The following MYH15 variants were observed in gnomAD, a reference collection of about 807,000 sequenced individuals.
MYH15 encodes myosin-15.
Under a neutral mutation model 240.5 loss-of-function variants are expected in MYH15, and 227 were observed. That is an observed-to-expected ratio of 0.94 (90% CI 0.85 to 1.05). MYH15 has a LOEUF of 1.05. MYH15 is among the 50% of genes least tolerant of loss of function. The probability of loss-of-function intolerance (pLI) is 0.00; values close to 1 mark genes in which losing one functional copy is unlikely to be tolerated. For synonymous variants in MYH15, 785 were observed against 796.7 expected (o/e 0.99, Z 0.25); for missense variants, 2,217 against 2,247.5 (o/e 0.99, Z 0.27).
At chr3:108,440,888 C>T in intron 23 of MYH15, 130 bp downstream of exon 23, 1 of 1,100,520 alleles carries the variant, frequency 9.1e-7, no homozygotes, top group East Asian at 2.4e-5. Context: ...CCAGTTCTGA[C>T]TCTCAATGCT....
chr3:108,516,998 G>A (rs2083578204), intron 1 of MYH15, among the ~76,000 whole-genome samples: 3 of 152,100 alleles, frequency 2.0e-5, no homozygotes, highest in Admixed American at 2.0e-4. Flanking sequence ...ATGATCTCCT[G>A]AAGAGAAATC....
chr3:108,391,836 A>C lies in MYH15; in HGVS notation c.5354T>G (p.Leu1785Ter). Residue 1785 changes from leucine to a stop codon, truncating the protein, a stop_gained, in exon 37 of 41, where the codon TTA becomes TGA. Transcript: ENST00000693548. LOFTEE classifies it high-confidence loss of function. ...RENMEQTITD[L>*]QKRLAEAEQM... Reference sequence around the variant, plus strand: ...TTCAGCTTCAGCCAGCCTTTTCTGTAAGTCTGTAATTGTCTGCTCCATATT... The same window carrying C: ...TTCAGCTTCAGCCAGCCTTTTCTGTCAGTCTGTAATTGTCTGCTCCATATT... 2 of 1,614,064 alleles carry C rather than the reference A, an allele frequency of 1.2e-6. No individual in the cohort carries two copies. The highest frequency in any genetic ancestry group is 1.7e-6 in the Non-Finnish European group (2 of 1,179,996).
intron 21 of MYH15, among the ~76,000 whole-genome samples, chr3:108,446,796 T>C (rs2082932165): frequency 6.6e-6 from 1 of 152,132 alleles, no homozygotes; most frequent in Admixed American, 6.5e-5. Flanking sequence ...TTTCTTCAAA[T>C]GTACAGACAT....
chr3:108,548,524 T>C, the MYH15 span, among the ~76,000 whole-genome samples: 1 of 152,094 alleles, frequency 6.6e-6, no homozygotes, highest in Non-Finnish European at 1.5e-5. Flanking sequence ...AATAGCAGGG[T>C]TGAGTTGTTG....
chr3:108,384,299 T>C (rs2082365508), intron 39 of MYH15, among the ~76,000 whole-genome samples: 1 of 152,294 alleles, frequency 6.6e-6, no homozygotes, highest in South Asian at 2.1e-4. Context: ...CACAACCATA[T>C]CCAGGATCAT....
At chr3:108,501,074 G>C (rs1170608214) in intron 3 of MYH15, among the ~76,000 whole-genome samples, 1 of 152,190 alleles carries the variant, frequency 6.6e-6, no homozygotes, top group Admixed American at 6.5e-5. Flanking sequence ...CCCAGCTTGT[G>C]GTAGTTTTGT....
At chr3:108,461,937 T>C (rs1044019912) in intron 16 of MYH15, 3 of 152,232 alleles carry the variant, frequency 2.0e-5, no homozygotes, top group Admixed American at 2.0e-4. Flanking sequence ...TGTTCGAAAG[T>C]GAGAGTACAC....
Position 108,444,800 on chromosome 3 carries a change from A to T in MYH15, c.2495T>A (p.Val832Asp), listed in dbSNP as rs1202324817. The T allele has an allele frequency of 6.2e-7, 1 of 1,614,100 alleles. No homozygotes were observed. Among genetic ancestry groups the T allele is most frequent in the African/African-American group, 1.3e-5 (1 of 75,032 alleles). Residue 832 changes from valine to aspartate, a missense_variant, in exon 22 of 41, where the codon GTT becomes GAT. Physicochemically the swap from Val to Asp is radical, Grantham distance 152. Coordinates refer to ENST00000693548, the MANE Select transcript of MYH15 (RefSeq NM_014981.3). Reference protein sequence around the residue: ...MRLFFKIKPLVKSSEVGEEVA... With the variant: ...MRLFFKIKPLDKSSEVGEEVA... ...TTCTTCTCCTACTTCTGAAGATTTA[A>T]CAAGAGGCTTGATCTTGAAGAAGAG... is the stretch of plus-strand genomic sequence containing the variant.
At chr3:108,417,152 A>C (rs2082641043) in intron 28 of MYH15, among the ~76,000 whole-genome samples, 1 of 152,214 alleles carries the variant, frequency 6.6e-6, no homozygotes. Flanking sequence ...AGTAATAAGT[A>C]TGAATCGATA....
At chr3:108,495,960 C>T in intron 6 of MYH15, 88 bp from the exon 7 acceptor site, 1 of 972,206 alleles carries the variant, frequency 1.0e-6, no homozygotes, top group Non-Finnish European at 1.5e-6. Flanking sequence ...GGTCAAACCC[C>T]ATTCTTGCTT....
At chr3:108,529,505 G>A (rs200262726), upstream of MYH15, among the ~76,000 whole-genome samples, 4 of 152,130 alleles carry the variant, frequency 2.6e-5, no homozygotes, top group Non-Finnish European at 5.9e-5. Flanking sequence ...TGGCTATCTC[G>A]CTAAGGAGTT....
intron 1 of MYH15, among the ~76,000 whole-genome samples, chr3:108,522,694 T>C (rs2083629787): frequency 6.6e-6 from 1 of 152,092 alleles, no homozygotes; most frequent in Admixed American, 6.6e-5. Flanking sequence ...ATCTTACTAA[T>C]TGATTAATAA....
intron 38 of MYH15, among the ~76,000 whole-genome samples, chr3:108,385,949 A>G (rs940770614): frequency 6.6e-6 from 1 of 152,192 alleles, no homozygotes; most frequent in African/African-American, 2.4e-5. Flanking sequence ...GTAAAAGTAG[A>G]TATTAATAAT....
intron 20 of MYH15, 92 bp downstream of exon 20, chr3:108,455,644 A>G: frequency 7.1e-7 from 1 of 1,401,348 alleles, no homozygotes; most frequent in South Asian, 1.2e-5. Flanking sequence ...GAGCTGAAGA[A>G]TGCCTTATAA....
intron 1 of MYH15, among the ~76,000 whole-genome samples, chr3:108,506,330 G>A (rs868746232): frequency 2.0e-5 from 3 of 152,292 alleles, no homozygotes; most frequent in Middle Eastern, 3.4e-3. Flanking sequence ...GAATTGGCAG[G>A]GGGGCAGGTT....
Position 108,507,264 on chromosome 3 carries a change from T to TATGAATATTCACATATGA in MYH15, c.89-1436_89-1435insTCATATGTGAATATTCAT, listed in dbSNP as rs1553773651. Among the ~76,000 whole-genome samples the TATGAATATTCACATATGA allele has an allele frequency of 5.1e-3, 583 of 115,332 alleles. 17 individuals are homozygous for TATGAATATTCACATATGA. The highest frequency in any genetic ancestry group is 8.3e-3 in the Non-Finnish European group (445 of 53,906). The allele number at this position is 115,332 out of a possible 152,430, so 75.7% of individuals were successfully genotyped here. On this transcript the variant is annotated intron_variant, in intron 1 of 40. Coordinates refer to ENST00000693548, the MANE Select transcript of MYH15 (RefSeq NM_014981.3). The stretch of plus-strand genomic sequence containing the variant: ...ATATATATATATATATATATATATA[T>TATGAATATTCACATATGA]ATATATATATATACACATATGAAAA...
chr3:108,530,221 A>G (rs2083702688), upstream of MYH15, among the ~76,000 whole-genome samples: 1 of 152,232 alleles, frequency 6.6e-6, no homozygotes, highest in Admixed American at 6.5e-5. Context: ...TCAGTTTCTA[A>G]GTAACTTAAC....
chr3:108,404,489 C>T (rs1184214521), intron 33 of MYH15, among the ~76,000 whole-genome samples: 2 of 152,168 alleles, frequency 1.3e-5, no homozygotes, highest in East Asian at 3.8e-4. Context: ...CTTTGATCTA[C>T]AGCGTGTGAA....
chr3:108,423,679 C>T (rs2082702676), intron 27 of MYH15, among the ~76,000 whole-genome samples: 1 of 152,208 alleles, frequency 6.6e-6, no homozygotes, highest in Non-Finnish European at 1.5e-5. Context: ...TTCAGATTGC[C>T]TCTTTCTACA....
Sources: allele counts gnomAD v4.1 joint callset (sites outside exome capture counted in the v4.1 genomes callset), GRCh38; gene constraint gnomAD v4.1.1; transcripts MANE v1.5; gene names NCBI Gene and HGNC (gene_info 2026-07-23, HGNC 2026-07-21).